Variants in CHCHD3 observed in about 807,000 individuals in gnomAD.
CHCHD3 encodes the protein coiled-coil-helix-coiled-coil-helix domain containing 3.
In CHCHD3, 20 loss-of-function variants were observed where a neutral mutation model predicts 38.2. The ratio of observed to expected loss-of-function variants is 0.52; its 90% CI spans 0.37 to 0.76. CHCHD3 has a LOEUF of 0.76. Ranked by LOEUF, CHCHD3 falls within the 30% of genes least tolerant of loss-of-function variation. The pLI is 0.00. For missense variants in CHCHD3, 245 were observed against 279.2 expected (o/e 0.88, Z 0.87); for synonymous variants, 82 against 100.0 (o/e 0.82, Z 1.07).
chr7:132,804,623 A>G (rs552870735), intron 6 of CHCHD3, among the ~76,000 whole-genome samples: 10 of 152,342 alleles, frequency 6.6e-5, no homozygotes, highest in South Asian at 2.1e-4. Context: ...ACATATCTCA[A>G]TGAGGACTGT....
chr7:133,011,052 A>C (rs963514112), intron 3 of CHCHD3, among the ~76,000 whole-genome samples: 3 of 152,198 alleles, frequency 2.0e-5, no homozygotes, highest in Admixed American at 6.5e-5. Flanking sequence ...CTGTGATAGT[A>C]AGAGGGAGTC....
chr7:132,884,161 A>T (rs1214468366), intron 5 of CHCHD3, among the ~76,000 whole-genome samples: 1 of 151,902 alleles, frequency 6.6e-6, no homozygotes, highest in Admixed American at 6.6e-5. Context: ...TCTGCTCCCA[A>T]ACCCCCCAGC....
intron 6 of CHCHD3, among the ~76,000 whole-genome samples, chr7:132,797,093 G>A (rs931233450): frequency 2.6e-5 from 4 of 152,134 alleles, no homozygotes; most frequent in African/African-American, 7.2e-5. Flanking sequence ...ATAGGAAATC[G>A]AAGATGGTCT....
chr7:132,801,426 A>C (rs1027238835), intron 6 of CHCHD3, among the ~76,000 whole-genome samples: 1 of 152,222 alleles, frequency 6.6e-6, no homozygotes, highest in Non-Finnish European at 1.5e-5. Flanking sequence ...TCCCTCTCTA[A>C]AGTGGTCCAA....
At chr7:133,049,280 C>T (rs1336755610) in intron 2 of CHCHD3, among the ~76,000 whole-genome samples, 1 of 152,136 alleles carries the variant, frequency 6.6e-6, no homozygotes, top group African/African-American at 2.4e-5. Flanking sequence ...CAAATTAGGA[C>T]ATTAACAGCC....
intron 3 of CHCHD3, among the ~76,000 whole-genome samples, chr7:133,012,046 C>A (rs1341168896): frequency 6.6e-6 from 1 of 152,098 alleles, no homozygotes; most frequent in Non-Finnish European, 1.5e-5. Flanking sequence ...TTGATGTTAC[C>A]CTCAACTTTC....
intron 4 of CHCHD3, among the ~76,000 whole-genome samples, chr7:132,905,953 A>G (rs1021668150): frequency 2.6e-5 from 4 of 152,236 alleles, no homozygotes; most frequent in African/African-American, 9.6e-5. Context: ...CACGTAACTC[A>G]ATTAGTATGG....
intron 4 of CHCHD3, among the ~76,000 whole-genome samples, chr7:132,902,904 G>A (rs148152303): frequency 8.9e-4 from 135 of 152,218 alleles, no homozygotes; most frequent in African/African-American, 3.0e-3. Context: ...AGACCAAAAC[G>A]AGGCAGAGAG....
rs60747145 is a variant in CHCHD3, at chr7:132,860,316, AAG to A, written c.454-21849_454-21848del. 9.0e-3 allele frequency among the ~76,000 whole-genome samples: 1,215 copies of A among 134,656 alleles called. 20 individuals carry two copies. The highest frequency in any genetic ancestry group is 0.031 in the African/African-American group (1,150 of 37,568). The allele number at this position is 134,656 out of a possible 152,430, so 88.3% of individuals were successfully genotyped here. A position where few individuals can be genotyped will look rare whatever the true frequency, so the allele number is the denominator to read the frequency against. ...AGATAGATAGATAGAGAGAGAGAGA[AAG>A]AGAGAGAGAGAGAGAGAACACAATC... On this transcript the variant is annotated intron_variant, in intron 5 of 7. Transcript: ENST00000262570.
chr7:132,956,682 T>C (rs761288132), intron 4 of CHCHD3, among the ~76,000 whole-genome samples: 61 of 152,216 alleles, frequency 4.0e-4, no homozygotes, highest in Non-Finnish European at 4.1e-4. Flanking sequence ...TACAGATATT[T>C]ACTCACTATC....
chr7:132,894,877 T>C (rs1244951760), intron 4 of CHCHD3, among the ~76,000 whole-genome samples: 2 of 152,266 alleles, frequency 1.3e-5, no homozygotes, highest in African/African-American at 4.8e-5. Context: ...GCTGCCAGCA[T>C]GTTACTCAGG....
At chr7:132,903,487 C>A (rs2117206991) in intron 4 of CHCHD3, among the ~76,000 whole-genome samples, 1 of 152,236 alleles carries the variant, frequency 6.6e-6, no homozygotes, top group East Asian at 1.9e-4. Flanking sequence ...AAGTGACCTG[C>A]CTGAAATCCA....
At chr7:132,893,675 T>C (rs908963927) in intron 4 of CHCHD3, among the ~76,000 whole-genome samples, 1 of 152,144 alleles carries the variant, frequency 6.6e-6, no homozygotes, top group African/African-American at 2.4e-5. Flanking sequence ...TGGTGGGAAG[T>C]GGTTGGATCA....
At chr7:132,914,121 G>GGTGTGTGTGTGTGTGTGT (rs1234351482) in intron 4 of CHCHD3, among the ~76,000 whole-genome samples, 16 of 114,014 alleles carry the variant, frequency 1.4e-4, no homozygotes, top group African/African-American at 5.7e-4. Context: ...CACCATGCCT[G>GGTGTGTGTGTGTGTGTGT]GCGTGTGTGT....
intron 4 of CHCHD3, among the ~76,000 whole-genome samples, chr7:132,887,669 C>T (rs749107737): frequency 1.3e-5 from 2 of 149,256 alleles, no homozygotes; most frequent in Non-Finnish European, 3.0e-5. Flanking sequence ...AATCAACACA[C>T]GAAAAATACA....
intron 2 of CHCHD3, among the ~76,000 whole-genome samples, chr7:133,039,177 C>A (rs901034785): frequency 6.6e-6 from 1 of 152,050 alleles, no homozygotes. Flanking sequence ...CTGGCTAAGA[C>A]AAAAATATTT....
intron 5 of CHCHD3, among the ~76,000 whole-genome samples, chr7:132,855,651 A>C (rs1328109882): frequency 6.6e-6 from 1 of 152,154 alleles, no homozygotes; most frequent in Non-Finnish European, 1.5e-5. Flanking sequence ...TCTCCCTCAG[A>C]AGGCAGTGTG....
Position 133,034,508 on chromosome 7 carries a change from C to CTTTTTTTTTTTT in CHCHD3, c.170-9893_170-9882dup, listed in dbSNP as rs146912120. 7.0e-5 allele frequency: 20 copies of CTTTTTTTTTTTT among 285,194 alleles called. 1 individual carries two copies. The highest frequency in any genetic ancestry group is 1.0e-4 in the South Asian group (3 of 30,140). 17.7% of individuals were successfully genotyped at this position (285,194 alleles called of 1,614,324 possible). A position where few individuals can be genotyped will look rare whatever the true frequency, so the allele number is the denominator to read the frequency against. On this transcript the variant is annotated intron_variant, in intron 2 of 7. Transcript: ENST00000262570. ...AGTCCTTTCAGCAATTGGATCCAGT[C>CTTTTTTTTTTTT]TTTTTTTTTTTTTTTTTTTTTTCAA... is the stretch of plus-strand genomic sequence containing the variant.
chr7:132,842,896 T>C (rs1346469869), intron 5 of CHCHD3, among the ~76,000 whole-genome samples: 1 of 152,220 alleles, frequency 6.6e-6, no homozygotes, highest in Non-Finnish European at 1.5e-5. Flanking sequence ...CTGTAATTGA[T>C]ATCTTGCAGG....
Sources: allele counts gnomAD v4.1 joint callset (sites outside exome capture counted in the v4.1 genomes callset), GRCh38; gene constraint gnomAD v4.1.1; transcripts MANE v1.5; gene names NCBI Gene and HGNC (gene_info 2026-07-23, HGNC 2026-07-21).